The following ERCC8 variants were observed in gnomAD, a reference collection of about 807,000 sequenced individuals.
ERCC8 encodes DNA excision repair protein ERCC-8.
ERCC8 carries 52 observed loss-of-function variants against 54.9 expected under a neutral mutation model. The observed-to-expected ratio is 0.95, with a 90% CI of 0.76 to 1.19. The LOEUF (loss-of-function observed/expected upper bound fraction) is 1.19, where lower values mean the gene tolerates loss of function less well. Among genes scored for constraint, ERCC8 ranks in the 50% most tolerant of loss-of-function variants. The pLI is 0.00. For synonymous variants in ERCC8, 146 were observed against 157.2 expected (o/e 0.93, Z 0.53); for missense variants, 514 against 466.1 (o/e 1.10, Z -0.95).
intron 11 of ERCC8, among the ~76,000 whole-genome samples, chr5:60,887,124 G>A (rs1470504838): frequency 6.6e-6 from 1 of 152,196 alleles, no homozygotes; most frequent in African/African-American, 2.4e-5. Context: ...AATTTGACTT[G>A]AGGAATTTTA....
At chr5:60,894,943 G>A (rs200839942) in intron 9 of ERCC8, among the ~76,000 whole-genome samples, 2 of 152,102 alleles carry the variant, frequency 1.3e-5, no homozygotes, top group East Asian at 3.9e-4. Context: ...GGCCGAGGCA[G>A]GCGGATCACA....
intron 11 of ERCC8, among the ~76,000 whole-genome samples, chr5:60,884,523 G>GTTTTTTTTTTTT (rs71606648): frequency 3.1e-5 from 4 of 128,128 alleles, no homozygotes; most frequent in African/African-American, 2.9e-5. Context: ...GTGTGTATGT[G>GTTTTTTTTTTTT]TTTTTTTTTT....
chr5:60,889,269 T>C (rs911117579), intron 10 of ERCC8, among the ~76,000 whole-genome samples: 3 of 152,210 alleles, frequency 2.0e-5, no homozygotes, highest in African/African-American at 7.2e-5. Flanking sequence ...TGAGATTATA[T>C]AAATATCTCA....
At position 60,922,070 on chromosome 5, in the gene ERCC8, C is replaced by T. The variant is rs1475184041; in HGVS notation, c.259G>A (p.Val87Met). 6.2e-7 allele frequency: 1 copy of T among 1,607,264 alleles called. No homozygotes were observed. Among genetic ancestry groups the T allele is most frequent in the Non-Finnish European group, 8.5e-7 (1 of 1,175,020 alleles). Residue 87 changes from valine to methionine, a missense_variant, in exon 3 of 12, where the codon GTG (valine) becomes ATG (methionine). By Grantham distance (21) the Val-to-Met change is conservative. Transcript: ENST00000676185. ...AATACATACCTGCCAATGGAACACACTGCTTTACATGTGTAATAAGATTGT... is the reference window on the plus strand; with the variant it reads ...AATACATACCTGCCAATGGAACACATTGCTTTACATGTGTAATAAGATTGT... ...SRQSYYTCKA[V>M]CSIGRDHPDV... is the part of the protein sequence containing the mutation.
chr5:60,941,687 A>G (rs1345720807), intron 1 of ERCC8, among the ~76,000 whole-genome samples: 2 of 152,212 alleles, frequency 1.3e-5, no homozygotes, highest in Non-Finnish European at 2.9e-5. Context: ...AAAATGATAA[A>G]TTACCTATAG....
Position 60,872,040 on chromosome 5 carries a change from G to C in ERCC8, c.*2575C>G, listed in dbSNP as rs2112448922. 6.6e-6 allele frequency among the ~76,000 whole-genome samples: 1 copy of C among 152,248 alleles called. No individual in the cohort carries two copies. The highest frequency in any genetic ancestry group is 2.1e-4 in the South Asian group (1 of 4,820). On this transcript the variant is annotated 3_prime_UTR_variant, in exon 12 of 12. Coordinates refer to ENST00000676185, the MANE Select transcript of ERCC8 (RefSeq NM_000082.4). Reference sequence around the variant, plus strand: ...TGGTCTTGAACTCCTGAGCTCAAGTGATCTGCCTGTCTCAGCTCACAAAGT... The same window carrying C: ...TGGTCTTGAACTCCTGAGCTCAAGTCATCTGCCTGTCTCAGCTCACAAAGT...
Position 60,885,601 on chromosome 5 carries a change from T to A in ERCC8, c.1122+1839A>T, listed in dbSNP as rs138333261. On this transcript the variant is annotated intron_variant, in intron 11 of 11. Coordinates refer to ENST00000676185, the MANE Select transcript of ERCC8 (RefSeq NM_000082.4). ...AGAATATTCTGACACCAAAAGCAGCTGTATGCTAAAGTTAATCAAGCCACA... is the reference window on the plus strand; with the variant it reads ...AGAATATTCTGACACCAAAAGCAGCAGTATGCTAAAGTTAATCAAGCCACA... Among the ~76,000 whole-genome samples the A allele has an allele frequency of 7.4e-4, 113 of 152,258 alleles. 1 individual carries two copies. Among genetic ancestry groups the A allele is most frequent in the Non-Finnish European group, 1.2e-3 (80 of 68,016 alleles).
chr5:60,928,647 T>C (rs1463967955), intron 2 of ERCC8, among the ~76,000 whole-genome samples: 1 of 152,164 alleles, frequency 6.6e-6, no homozygotes, highest in Non-Finnish European at 1.5e-5. Flanking sequence ...AATAAGTAAA[T>C]ATTTATATTA....
Position 60,871,643 on chromosome 5 carries a change from G to T in ERCC8, c.*2972C>A, listed in dbSNP as rs1181588072. ...TTACCTTATGGTATTATAATTCCAG[G>T]TGACCACTACCTTCCTTTTTAGATT... On this transcript the variant is annotated 3_prime_UTR_variant, in exon 12 of 12. Transcript: ENST00000676185. 6.6e-6 allele frequency among the ~76,000 whole-genome samples: 1 copy of T among 152,088 alleles called. No individual in the cohort carries two copies. The highest frequency in any genetic ancestry group is 1.5e-5 in the Non-Finnish European group (1 of 68,022).
intron 4 of ERCC8, among the ~76,000 whole-genome samples, chr5:60,908,692 GAA>G (rs1254669654): frequency 6.8e-6 from 1 of 147,192 alleles, no homozygotes; most frequent in Non-Finnish European, 1.5e-5. Flanking sequence ...AAGAAGCAGA[GAA>G]AAGTCATGAC....
chr5:60,867,464 A>T lies in ERCC8; in HGVS notation c.*7151T>A, dbSNP rs868332508. Reference sequence around the variant, plus strand: ...TTACAATGAAAAAAATAATCTTACCATTCTTTAATGTCCATAGTGATCATC... The same window carrying T: ...TTACAATGAAAAAAATAATCTTACCTTTCTTTAATGTCCATAGTGATCATC... On this transcript the variant is annotated 3_prime_UTR_variant, in exon 12 of 12. Coordinates refer to ENST00000676185, the MANE Select transcript of ERCC8 (RefSeq NM_000082.4). 6.6e-6 allele frequency among the ~76,000 whole-genome samples: 1 copy of T among 152,304 alleles called. No homozygotes were observed. Among genetic ancestry groups the T allele is most frequent in the Middle Eastern group, 3.4e-3 (1 of 294 alleles).
At chr5:60,913,760 T>G (rs1749344036) in intron 4 of ERCC8, among the ~76,000 whole-genome samples, 1 of 152,162 alleles carries the variant, frequency 6.6e-6, no homozygotes, top group Non-Finnish European at 1.5e-5. Flanking sequence ...ATATACTGCT[T>G]TAAATGTGTC....
intron 4 of ERCC8, among the ~76,000 whole-genome samples, chr5:60,911,809 T>A (rs1356098238): frequency 6.6e-6 from 1 of 152,142 alleles, no homozygotes; most frequent in Non-Finnish European, 1.5e-5. Flanking sequence ...TTTCTACATA[T>A]GGCTAGCCAG....
chr5:60,913,339 G>T (rs149732998), intron 4 of ERCC8, among the ~76,000 whole-genome samples: 1,790 of 152,180 alleles, frequency 0.012, 15 homozygotes, highest in Middle Eastern at 0.024. Context: ...GTGTGTCGAG[G>T]AATTTATCCA....
At chr5:60,891,969 G>A in intron 9 of ERCC8, 1 of 529,106 alleles carries the variant, frequency 1.9e-6, no homozygotes, top group Non-Finnish European at 3.9e-6. Context: ...CAGAGAGGTG[G>A]AGGGCAGACA....
chr5:60,891,288 A>C (rs1346021253), intron 9 of ERCC8, among the ~76,000 whole-genome samples: 1 of 152,190 alleles, frequency 6.6e-6, no homozygotes, highest in Non-Finnish European at 1.5e-5. Context: ...AAAAAACCAC[A>C]GGGGTAAATG....
At chr5:60,908,581 A>AC (rs1749148810) in intron 4 of ERCC8, among the ~76,000 whole-genome samples, 2 of 137,324 alleles carry the variant, frequency 1.5e-5, no homozygotes, top group Non-Finnish European at 3.1e-5. Context: ...ATATATATAT[A>AC]TATTTTTTTT....
rs796092162 is a variant in ERCC8, at chr5:60,884,454, T to C, written c.1122+2986A>G. ...TTGTGCCACTGCACTCCAGCCTGGG[T>C]GACAGAGCCAGACTCCTTCTCAAAA... On this transcript the variant is annotated intron_variant, in intron 11 of 11. Transcript: ENST00000676185. Among the ~76,000 whole-genome samples, 3 of 123,924 alleles carry C rather than the reference T, an allele frequency of 2.4e-5. No individual in the cohort carries two copies. In the East Asian group the frequency reaches 7.1e-4, roughly 29 times the overall value. 81.3% of individuals were successfully genotyped at this position (123,924 alleles called of 152,430 possible). A position where few individuals can be genotyped will look rare whatever the true frequency, so the allele number is the denominator to read the frequency against.
At chr5:60,928,487 T>G (rs1327689455) in intron 2 of ERCC8, among the ~76,000 whole-genome samples, 2 of 152,190 alleles carry the variant, frequency 1.3e-5, no homozygotes, top group African/African-American at 4.8e-5. Flanking sequence ...CTAATCTAAT[T>G]CTTCAAAAGA....
Sources: allele counts gnomAD v4.1 joint callset (sites outside exome capture counted in the v4.1 genomes callset), GRCh38; gene constraint gnomAD v4.1.1; transcripts MANE v1.5; gene names NCBI Gene and HGNC (gene_info 2026-07-23, HGNC 2026-07-21).